The following ALDH4A1 variants were observed in gnomAD, a reference collection of about 807,000 sequenced individuals.
ALDH4A1 encodes aldehyde dehydrogenase 4 family member A1.
A neutral mutation model predicts 70.5 loss-of-function variants in ALDH4A1; 46 were observed. That is an observed-to-expected ratio of 0.65 (90% CI 0.51 to 0.83). The LOEUF is 0.83. Ranked by LOEUF, ALDH4A1 falls within the 40% of genes least tolerant of loss-of-function variation. The pLI, the probability that ALDH4A1 is intolerant of heterozygous loss-of-function variation, is 0.00. For missense variants in ALDH4A1, 749 were observed against 766.5 expected (o/e 0.98, Z 0.27); for synonymous variants, 323 against 324.3 (o/e 1.00, Z 0.04).
At chr1:18,891,199 T>A (rs142844400) in intron 1 of ALDH4A1, among the ~76,000 whole-genome samples, 2,026 of 152,330 alleles carry the variant, frequency 0.013, 21 homozygotes, top group Non-Finnish European at 0.02. Context: ...CCTTCAGGCC[T>A]GTTTCCCCCT....
intron 1 of ALDH4A1, among the ~76,000 whole-genome samples, chr1:18,893,933 G>A (rs1173962457): frequency 2.0e-5 from 3 of 152,172 alleles, no homozygotes; most frequent in African/African-American, 7.2e-5. Context: ...TTGAATCTAT[G>A]CTCCCCGGTG....
In ALDH4A1 at chr1:18,879,322, G is replaced by A. The variant is rs1228260341; in HGVS notation, c.918C>T (p.His306=). ...KQVAQNLDRF[H]TFPRLAGECG... The stretch of plus-strand genomic sequence containing the variant: ...TACCTCCAGCCAGGCGTGGGAAGGT[G>A]TGGAACCGGTCCAGGTTCTGGGCCA... Residue 306 remains histidine (H), a synonymous_variant, in exon 9 of 15, where the codon CAC becomes CAT. Transcript: ENST00000375341. 6.2e-7 allele frequency: 1 copy of A among 1,610,758 alleles called. No individual in the cohort carries two copies. Among genetic ancestry groups the A allele is most frequent in the Non-Finnish European group, 8.5e-7 (1 of 1,178,700 alleles).
intron 3 of ALDH4A1, 141 bp from the exon 4 acceptor site, chr1:18,886,652 C>T (rs1935216065): frequency 1.1e-6 from 1 of 883,166 alleles, no homozygotes; most frequent in Admixed American, 2.0e-5. Context: ...ATGAAACCCT[C>T]CCCAGTGCCC....
intron 1 of ALDH4A1, among the ~76,000 whole-genome samples, chr1:18,892,650 G>A (rs1323593648): frequency 2.0e-5 from 3 of 151,692 alleles, no homozygotes; most frequent in Non-Finnish European, 4.4e-5. Flanking sequence ...TGAGCACATA[G>A]GACCTTCTCT....
intron 1 of ALDH4A1, among the ~76,000 whole-genome samples, chr1:18,894,864 TC>T (rs1935561428): frequency 1.4e-5 from 2 of 139,628 alleles, no homozygotes; most frequent in Admixed American, 7.6e-5. Context: ...TTTCTTTCTT[TC>T]TTTTTTTTTT....
chr1:18,878,679 G>A (rs553782588), intron 9 of ALDH4A1, among the ~76,000 whole-genome samples: 119 of 152,232 alleles, frequency 7.8e-4, no homozygotes, highest in Non-Finnish European at 1.6e-3. Flanking sequence ...GGCAGACCTT[G>A]TCCTTGAAGA....
At chr1:18,900,326 G>A (rs980330245) in intron 1 of ALDH4A1, among the ~76,000 whole-genome samples, 3 of 152,180 alleles carry the variant, frequency 2.0e-5, no homozygotes, top group South Asian at 4.1e-4. Flanking sequence ...AATGCCCTGC[G>A]ACTGTTTCTC....
chr1:18,889,126 C>T (rs888956634), intron 3 of ALDH4A1, among the ~76,000 whole-genome samples: 2 of 152,212 alleles, frequency 1.3e-5, no homozygotes, highest in Admixed American at 6.5e-5. Flanking sequence ...TGCTGTGTGG[C>T]CCCCTCATGG....
Position 18,881,682 on chromosome 1 carries a change from C to A in ALDH4A1, c.866+18G>T. 1.2e-6 allele frequency: 2 copies of A among 1,613,838 alleles called. No homozygotes were observed. Among genetic ancestry groups the A allele is most frequent in the Admixed American group, 1.7e-5 (1 of 60,004 alleles). On this transcript the variant is annotated intron_variant, in intron 8 of 14. Coordinates refer to ENST00000375341, the MANE Select transcript of ALDH4A1 (RefSeq NM_003748.4). ...CGTCCCCTAGCCACCACAGCCTACA[C>A]CATCCCCAGGGACTTACGGCACACT...
At chr1:18,875,603 C>T (rs1398157013) in intron 12 of ALDH4A1, 100 bp from the exon 13 acceptor site, 9 of 1,587,152 alleles carry the variant, frequency 5.7e-6, no homozygotes, top group African/African-American at 1.4e-5. Flanking sequence ...TCCCCAGTCC[C>T]TGGGCCTCAG....
intron 5 of ALDH4A1, 33 bp downstream of exon 5, chr1:18,885,440 C>CCCCCCCCCCCCCCCCCCCCCCCCCCCA: frequency 3.0e-6 from 2 of 665,762 alleles, no homozygotes; most frequent in African/African-American, 1.8e-5. Flanking sequence ...CACCCCACCC[C>CCCCCCCCCCCCCCCCCCCCCCCCCCCA]GCCCCACCCA....
intron 5 of ALDH4A1, among the ~76,000 whole-genome samples, chr1:18,883,691 C>G (rs1276248252): frequency 2.6e-5 from 4 of 152,234 alleles, no homozygotes; most frequent in African/African-American, 9.6e-5. Flanking sequence ...AGGCCAGGTA[C>G]TTGCCATGCA....
intron 14 of ALDH4A1, among the ~76,000 whole-genome samples, 160 bp downstream of exon 14, chr1:18,874,303 C>T (rs1011485419): frequency 2.6e-5 from 4 of 152,224 alleles, no homozygotes; most frequent in African/African-American, 9.6e-5. Flanking sequence ...CCTTTGCTCA[C>T]GAGTTTGCTG....
chr1:18,899,740 T>C (rs1935738289), intron 1 of ALDH4A1, among the ~76,000 whole-genome samples: 1 of 152,194 alleles, frequency 6.6e-6, no homozygotes, highest in African/African-American at 2.4e-5. Context: ...TAAATGGCAG[T>C]CATTGTCACC....
At chr1:18,873,016 G>GA in intron 14 of ALDH4A1, 59 bp from the exon 15 acceptor site, 1 of 1,407,736 alleles carries the variant, frequency 7.1e-7, no homozygotes. Flanking sequence ...GGCAGAAGGG[G>GA]AAGGGAGGAG....
At chr1:18,875,881 G>C (rs187403807) in intron 12 of ALDH4A1, among the ~76,000 whole-genome samples, 1 of 152,198 alleles carries the variant, frequency 6.6e-6, no homozygotes, top group African/African-American at 2.4e-5. Flanking sequence ...CCAAGGGGCT[G>C]GGGGGAAGAT....
At chr1:18,873,927 T>TG (rs780449455) in intron 14 of ALDH4A1, among the ~76,000 whole-genome samples, 2 of 152,140 alleles carry the variant, frequency 1.3e-5, no homozygotes, top group African/African-American at 4.8e-5. Flanking sequence ...CATCTGAAGT[T>TG]GGGGGGTCAG....
Position 18,876,431 on chromosome 1 carries a change from G to A in ALDH4A1, c.1222C>T (p.Arg408Cys), listed in dbSNP as rs753268932. The A allele has an allele frequency of 1.1e-5, 17 of 1,608,038 alleles. No individual in the cohort carries two copies. The highest frequency in any genetic ancestry group is 6.7e-5 in the East Asian group (3 of 44,622). Reference protein sequence around the residue: ...ARIKKWLEHARSSPSLTILAG... With the variant: ...ARIKKWLEHACSSPSLTILAG... ...AGGATGGTGAGGCTGGGTGAGGAGC[G>A]TGCGTGCTCCAGCCACTTCTTGATA... Residue 408 changes from arginine to cysteine, a missense_variant, in exon 12 of 15, where the codon CGC becomes TGC. By Grantham distance (180) the Arg-to-Cys change is radical. Transcript: ENST00000375341.
At chr1:18,889,982 C>A in intron 2 of ALDH4A1, 30 bp downstream of exon 2, 1 of 1,551,834 alleles carries the variant, frequency 6.4e-7, no homozygotes. Flanking sequence ...ATGCCCTGCA[C>A]CTCTCGGGTG....
Sources: allele counts gnomAD v4.1 joint callset (sites outside exome capture counted in the v4.1 genomes callset), GRCh38; gene constraint gnomAD v4.1.1; transcripts MANE v1.5; gene names NCBI Gene and HGNC (gene_info 2026-07-23, HGNC 2026-07-21).